The following EIF3G variants were observed in gnomAD, a reference collection of about 807,000 sequenced individuals.
The protein encoded by EIF3G is eukaryotic translation initiation factor 3 RNA-binding subunit.
A neutral mutation model predicts 41.7 loss-of-function variants in EIF3G; 10 were observed. The observed-to-expected ratio is 0.24, with a 90% CI of 0.15 to 0.41. The LOEUF (loss-of-function observed/expected upper bound fraction) is 0.41. Ranked by LOEUF, EIF3G falls within the 10% of genes least tolerant of loss-of-function variation. The pLI is 1.00. For missense variants in EIF3G, 297 were observed against 444.0 expected (o/e 0.67, Z 2.98); for synonymous variants, 204 against 172.5 (o/e 1.18, Z -1.43).
chr19:10,115,354 G>A (rs2089223648), intron 10 of EIF3G, 125 bp downstream of exon 10: 12 of 1,220,712 alleles, frequency 9.8e-6, no homozygotes, highest in Non-Finnish European at 1.4e-5. Flanking sequence ...AACAATAAAG[G>A]ACTGTCCCCT....
At chr19:10,117,399 C>T (rs1310324311) in intron 5 of EIF3G, 2 of 552,016 alleles carry the variant, frequency 3.6e-6, no homozygotes, top group African/African-American at 3.8e-5. Flanking sequence ...CAGCTGTCAG[C>T]CTCCGGGTCC....
Position 10,119,877 on chromosome 19 carries a change from A to G in EIF3G, c.-18T>C. ...GTAGGCATCGCAAAAAGTATTCTCC[A>G]CGCAGCCCAAGCCCGGCCAGAGAGC... On this transcript the variant is annotated 5_prime_UTR_variant, in exon 1 of 11. Coordinates refer to ENST00000253108, the MANE Select transcript of EIF3G (RefSeq NM_003755.5). 1.2e-6 allele frequency: 2 copies of G among 1,614,088 alleles called. No individual in the cohort carries two copies. The highest frequency in any genetic ancestry group is 2.2e-5 in the South Asian group (2 of 91,074).
chr19:10,118,840 C>T (rs371539908), intron 4 of EIF3G, 28 bp downstream of exon 4: 2 of 1,606,042 alleles, frequency 1.2e-6, no homozygotes, highest in African/African-American at 1.3e-5. Flanking sequence ...GCACAAGGGT[C>T]CCCACTCCCT....
chr19:10,116,827 T>C lies in EIF3G; in HGVS notation c.568A>G (p.Thr190Ala), dbSNP rs775495349. The change falls in exon 7 of 11, where the codon ACT becomes GCT. Residue 190 changes from threonine (T) to alanine (A), a missense_variant. Transcript: ENST00000253108. The surrounding 1 kb of genome is among the most constrained non-coding windows in gnomAD (Gnocchi z 4.1). ...KELAEQLGLSTGEKEKLPGEL... is the reference protein window; with the variant it reads ...KELAEQLGLSAGEKEKLPGEL... ...CCCGGCAGCTTCTCCTTCTCGCCAG[T>C]AGACAGGCCCAGCTGCTCGGCCAGC... 4 of 1,601,628 alleles carry C rather than the reference T, an allele frequency of 2.5e-6. No homozygotes were observed. Among genetic ancestry groups the C allele is most frequent in the South Asian group, 1.1e-5 (1 of 90,250 alleles).
At chr19:10,115,262 G>C (rs1197046230) in intron 10 of EIF3G, 133 bp from the exon 11 acceptor site, 2 of 1,264,186 alleles carry the variant, frequency 1.6e-6, no homozygotes, top group South Asian at 1.5e-5. Flanking sequence ...GGAGCCAGAT[G>C]GCCAGTCTCC....
At position 10,116,668 on chromosome 19, in the gene EIF3G, G is replaced by T; in HGVS notation, c.595+132C>A. 1 of 902,416 alleles carries T rather than the reference G, an allele frequency of 1.1e-6. No homozygotes were observed. The highest frequency in any genetic ancestry group is 1.7e-6 in the Non-Finnish European group (1 of 604,432). The allele number at this position is 902,416 out of a possible 1,614,324, so 55.9% of individuals were successfully genotyped here. On this transcript the variant is annotated intron_variant, in intron 7 of 10. Transcript: ENST00000253108. The surrounding 1 kb of genome is among the most constrained non-coding windows in gnomAD (Gnocchi z 4.1). Reference sequence around the variant, plus strand: ...AACCATAGGAGGTACAGCCAATTAGGAAGGCACAGACGCCCCGAGGAGAGT... The same window carrying T: ...AACCATAGGAGGTACAGCCAATTAGTAAGGCACAGACGCCCCGAGGAGAGT...
intron 5 of EIF3G, 154 bp from the exon 6 acceptor site, chr19:10,117,342 C>CA: frequency 3.3e-6 from 2 of 609,996 alleles, no homozygotes; most frequent in Non-Finnish European, 5.7e-6. Flanking sequence ...GTCCTGGCGA[C>CA]AGTTGTTTCC....
rs2089284713 is a variant in EIF3G, at chr19:10,119,151, G to A, written c.88C>T (p.Leu30Phe). The change falls in exon 3 of 11, where the codon CTC becomes TTC. Residue 30 changes from leucine to phenylalanine, a missense_variant. Leu to Phe is a conservative substitution (Grantham distance 22). This residue lies in a region of EIF3G where 147 missense variants were observed against 162.4 expected (regional missense o/e 0.91). Transcript: ENST00000253108. ...GTGGCCAGAGGGATCCCCTTGAGGA[G>A]CTCGCTGGTGACACATTTGTCTGCA... Reference protein sequence around the residue: ...GEDDKCVTSELLKGIPLATGD... With the variant: ...GEDDKCVTSEFLKGIPLATGD... The A allele has an allele frequency of 1.3e-6, 2 of 1,589,436 alleles. No homozygotes were observed. The highest frequency in any genetic ancestry group is 1.7e-6 in the Non-Finnish European group (2 of 1,167,016).
intron 5 of EIF3G, among the ~76,000 whole-genome samples, chr19:10,117,853 G>A (rs946392741): frequency 6.6e-6 from 1 of 152,080 alleles, no homozygotes; most frequent in Non-Finnish European, 1.5e-5. Flanking sequence ...CCAGGAGCTG[G>A]AGACCAGCCT....
rs1210692482 is a variant in EIF3G, at chr19:10,115,726, G to A, written c.798C>T (p.Ser266=). 6 of 1,614,212 alleles carry A rather than the reference G, an allele frequency of 3.7e-6. No homozygotes were observed. Among genetic ancestry groups the A allele is most frequent in the Admixed American group, 1.7e-5 (1 of 60,028 alleles). ...TCTTGTCCTTAGCCAGGTAGATGCG[G>A]GAGATGGAGCCGAAAGGCCGGAAGA... is the stretch of plus-strand genomic sequence containing the variant. ...QELFRPFGSI[S]RIYLAKDKTT... is the part of the protein sequence containing the mutation. Residue 266 remains serine (S), a synonymous_variant, in exon 9 of 11, where the codon TCC becomes TCT. Transcript: ENST00000253108.
chr19:10,119,019 G>A, intron 3 of EIF3G, 63 bp from the exon 4 acceptor site: 2 of 1,612,866 alleles, frequency 1.2e-6, no homozygotes, highest in Non-Finnish European at 1.7e-6. Context: ...GGAGCGGCAG[G>A]GCTGGAGGGA....
rs750578328 is a variant in EIF3G, at chr19:10,118,813, G to A, written c.240+55C>T. The A allele has an allele frequency of 9.5e-6, 15 of 1,574,826 alleles. 1 individual carries two copies. Among genetic ancestry groups the A allele is most frequent in the African/African-American group, 2.7e-5 (2 of 73,614 alleles). On this transcript the variant is annotated intron_variant, in intron 4 of 10. Coordinates refer to ENST00000253108, the MANE Select transcript of EIF3G (RefSeq NM_003755.5). The stretch of plus-strand genomic sequence containing the variant: ...TCCTCAACACACCCCACCCCATTCC[G>A]GTCTATGGGCCCCCAAGCACAAGGG...
chr19:10,116,169 C>T lies in EIF3G; in HGVS notation c.596-95G>A, dbSNP rs2089245874. 7.0e-6 allele frequency: 9 copies of T among 1,284,620 alleles called. No homozygotes were observed. The highest frequency in any genetic ancestry group is 5.5e-5 in the South Asian group (4 of 72,272). The allele number at this position is 1,284,620 out of a possible 1,614,324, so 79.6% of individuals were successfully genotyped here. The stretch of plus-strand genomic sequence containing the variant: ...AGCTCGGGCTTCAGTGTTGAGCCAG[C>T]GCAGGCACTGTGTGCCAAACCACAG... On this transcript the variant is annotated intron_variant, in intron 7 of 10. Transcript: ENST00000253108. The surrounding 1 kb of genome is among the most constrained non-coding windows in gnomAD (Gnocchi z 4.1).
At chr19:10,115,943 G>C in intron 8 of EIF3G, 24 bp downstream of exon 8, 1 of 1,608,686 alleles carries the variant, frequency 6.2e-7, no homozygotes, top group Non-Finnish European at 8.5e-7. Flanking sequence ...CCACCCACCA[G>C]CCTGGCGTCG....
rs763889903 is a variant in EIF3G at position 10,115,971 on chromosome 19, G to A, written c.699C>T (p.Arg233=). 6.2e-6 allele frequency: 10 copies of A among 1,613,222 alleles called. No individual in the cohort carries two copies. The Admixed American group carries it at 1.2e-4, about 19-fold the overall frequency. The change falls in exon 8 of 11, where the codon CGC becomes CGT. Residue 233 remains arginine (R), a synonymous_variant. Coordinates refer to ENST00000253108, the MANE Select transcript of EIF3G (RefSeq NM_003755.5). ...SRRGESMQPN[R]RADDNATIRV... is the part of the protein sequence containing the mutation. ...TGGCGTCGGGGTGCCCCTCACCTCTGCGGTTGGGCTGCATGGACTCCCCGC... is the reference window on the plus strand; with the variant it reads ...TGGCGTCGGGGTGCCCCTCACCTCTACGGTTGGGCTGCATGGACTCCCCGC...
In EIF3G at chr19:10,116,718, T is replaced by C; in HGVS notation, c.595+82A>G. The C allele has an allele frequency of 2.9e-6, 4 of 1,384,582 alleles. No homozygotes were observed. Among genetic ancestry groups the C allele is most frequent in the Non-Finnish European group, 3.9e-6 (4 of 1,026,718 alleles). The allele number at this position is 1,384,582 out of a possible 1,614,324, so 85.8% of individuals were successfully genotyped here. A position where few individuals can be genotyped will look rare whatever the true frequency, so the allele number is the denominator to read the frequency against. ...TCTGGCACCATCAAACCCGCTGCAC[T>C]GTCGTGCGGGAGATGACAGCACGAA... On this transcript the variant is annotated intron_variant, in intron 7 of 10. Transcript: ENST00000253108. This position sits in a 1 kb window ranked among gnomAD's most constrained non-coding sequence, Gnocchi z 4.1.
Position 10,116,528 on chromosome 19 carries a change from T to G in EIF3G, c.595+272A>C. 1 of 508,552 alleles carries G rather than the reference T, an allele frequency of 2.0e-6. No homozygotes were observed. The allele number at this position is 508,552 out of a possible 1,614,324, so 31.5% of individuals were successfully genotyped here. Reference sequence around the variant, plus strand: ...CTATACACACAGTGCGCACACACGATGTGGGGTGGTCAGCACCCTGGGGCC... The same window carrying G: ...CTATACACACAGTGCGCACACACGAGGTGGGGTGGTCAGCACCCTGGGGCC... On this transcript the variant is annotated intron_variant, in intron 7 of 10. Coordinates refer to ENST00000253108, the MANE Select transcript of EIF3G (RefSeq NM_003755.5). This position sits in a 1 kb window ranked among gnomAD's most constrained non-coding sequence, Gnocchi z 4.1.
At position 10,116,289 on chromosome 19, in the gene EIF3G, G is replaced by A; in HGVS notation, c.596-215C>T. On this transcript the variant is annotated intron_variant, in intron 7 of 10. Coordinates refer to ENST00000253108, the MANE Select transcript of EIF3G (RefSeq NM_003755.5). This position sits in a 1 kb window ranked among gnomAD's most constrained non-coding sequence, Gnocchi z 4.1. ...CGACACTGGTGGAGGAGGAGGAGGA[G>A]GAGCCCCGACCCCACCCCAGAGAGG... is the stretch of plus-strand genomic sequence containing the variant. 1.7e-6 allele frequency: 1 copy of A among 599,328 alleles called. No homozygotes were observed. Among genetic ancestry groups the A allele is most frequent in the Non-Finnish European group, 3.0e-6 (1 of 337,962 alleles). The allele number at this position is 599,328 out of a possible 1,614,324, so 37.1% of individuals were successfully genotyped here. A position where few individuals can be genotyped will look rare whatever the true frequency, so the allele number is the denominator to read the frequency against.
chr19:10,115,291 G>A, intron 10 of EIF3G, 162 bp from the exon 11 acceptor site: 1 of 1,129,066 alleles, frequency 8.9e-7, no homozygotes, highest in Admixed American at 2.7e-5. Context: ...TCCACGGACT[G>A]GCAGGGACCC....
Sources: allele counts gnomAD v4.1 joint callset (sites outside exome capture counted in the v4.1 genomes callset), GRCh38; gene constraint gnomAD v4.1.1; regional missense constraint gnomAD v4.1.1; non-coding constraint Gnocchi (gnomAD v3.1); transcripts MANE v1.5; gene names NCBI Gene and HGNC (gene_info 2026-07-23, HGNC 2026-07-21).